The following FNDC8 variants were observed in gnomAD, a reference collection of about 807,000 sequenced individuals.
FNDC8 encodes the protein fibronectin type III domain-containing protein 8.
In FNDC8, 23 loss-of-function variants were observed where a neutral mutation model predicts 24.8. The observed-to-expected ratio is 0.93, with a 90% confidence interval of 0.67 to 1.31. FNDC8 has a LOEUF of 1.31. Among genes scored for constraint, FNDC8 ranks in the 40% most tolerant of loss-of-function variants. The probability of loss-of-function intolerance (pLI) is 0.00; values close to 1 mark genes in which losing one functional copy is unlikely to be tolerated. For missense variants in FNDC8, 371 were observed against 398.2 expected (o/e 0.93, Z 0.58); for synonymous variants, 158 against 165.3 (o/e 0.96, Z 0.34).
rs1158022966 is a variant in FNDC8 at position 35,129,485 on chromosome 17, G to T, written c.649G>T (p.Val217Leu). The T allele has an allele frequency of 3.7e-6, 6 of 1,614,206 alleles. No individual in the cohort carries two copies. The highest frequency in any genetic ancestry group is 5.1e-6 in the Non-Finnish European group (6 of 1,180,024). ...TTTCTACCAGCTCCTGTTACAGGAG[G>T]TGGCCAAGACACAGGAGAATGAGTT... ...VSFYQLLLQE[V>L]AKTQENELPE... The change falls in exon 3 of 4, where the codon GTG becomes TTG. Residue 217 changes from valine (V) to leucine (L), a missense_variant. Val to Leu is a conservative substitution (Grantham distance 32). Transcript: ENST00000158009.
At chr17:35,130,009 G>A (rs17629188) in intron 3 of FNDC8, 190,373 of 1,379,162 alleles carry the variant, frequency 0.14, 14,329 homozygotes, top group Middle Eastern at 0.17. Flanking sequence ...GCTAAAGGGG[G>A]ACGAAGAAGG....
intron 1 of FNDC8, among the ~76,000 whole-genome samples, chr17:35,122,247 G>T (rs2091832782): frequency 8.2e-6 from 1 of 122,124 alleles, no homozygotes; most frequent in Non-Finnish European, 1.7e-5. Flanking sequence ...TCACCGTGTT[G>T]CCCAGGCTGG....
At position 35,127,268 on chromosome 17, in the gene FNDC8, T is replaced by A. The variant is rs1360275528; in HGVS notation, c.436T>A (p.Ser146Thr). 1.2e-6 allele frequency: 2 copies of A among 1,613,832 alleles called. No homozygotes were observed. Among genetic ancestry groups the A allele is most frequent in the Admixed American group, 3.3e-5 (2 of 59,966 alleles). Residue 146 changes from serine (S) to threonine (T), a missense_variant, in exon 2 of 4, where the codon TCC (serine) becomes ACC (threonine). By Grantham distance (58) the Ser-to-Thr change is moderately conservative. Transcript: ENST00000158009. ...ALGPCPCPSK[S>T]QMATRGLLDL... ...CGGCCCCTGCCCATGCCCATCGAAG[T>A]CCCAGATGGCCACAAGGGGCCTGCT...
intron 2 of FNDC8, 116 bp downstream of exon 2, chr17:35,127,533 T>G: frequency 1.7e-5 from 21 of 1,256,462 alleles, no homozygotes; most frequent in Non-Finnish European, 2.1e-5. Flanking sequence ...AGTTCACGGT[T>G]TAGGAAGGGA....
At chr17:35,129,384 C>A in intron 2 of FNDC8, 38 bp from the exon 3 acceptor site, 1 of 1,602,836 alleles carries the variant, frequency 6.2e-7, no homozygotes, top group Non-Finnish European at 8.5e-7. Flanking sequence ...AAGGACAGGA[C>A]ATATCTGAGG....
At chr17:35,129,379 C>T (rs751887527) in intron 2 of FNDC8, 43 bp from the exon 3 acceptor site, 2 of 1,596,700 alleles carry the variant, frequency 1.3e-6, no homozygotes, top group Non-Finnish European at 1.7e-6. Flanking sequence ...ACAGGAAGGA[C>T]AGGACATATC....
intron 3 of FNDC8, 166 bp downstream of exon 3, chr17:35,129,824 G>T: frequency 7.0e-7 from 1 of 1,427,700 alleles, no homozygotes; most frequent in Non-Finnish European, 9.1e-7. Context: ...CTTCTGGGAG[G>T]TTTAAGGATT....
chr17:35,127,381 C>A lies in FNDC8; in HGVS notation c.549C>A (p.Phe183Leu). 1 of 1,574,878 alleles carries A rather than the reference C, an allele frequency of 6.3e-7. No individual in the cohort carries two copies. Reference protein sequence around the residue: ...SVVVDLPDTPFIFEHTVNNST... With the variant: ...SVVVDLPDTPLIFEHTVNNST... ...TTGTGGACCTGCCGGACACCCCCTT[C>A]ATCTTTGAGCACACCGTCAACAATT... Residue 183 changes from phenylalanine (F) to leucine (L), a missense_variant, in exon 2 of 4, where the codon TTC becomes TTA. Phe to Leu is a conservative substitution (Grantham distance 22). Transcript: ENST00000158009.
At chr17:35,122,984 G>C (rs1160568686) in intron 1 of FNDC8, among the ~76,000 whole-genome samples, 2 of 152,170 alleles carry the variant, frequency 1.3e-5, no homozygotes, top group Non-Finnish European at 2.9e-5. Context: ...TGCAGTTGAA[G>C]GAGGCTTCTT....
chr17:35,129,751 C>T, intron 3 of FNDC8, 93 bp downstream of exon 3: 2 of 1,503,666 alleles, frequency 1.3e-6, no homozygotes, highest in Admixed American at 2.3e-5. Flanking sequence ...CCTATGCCCA[C>T]ATGACTCATC....
intron 3 of FNDC8, 160 bp from the exon 4 acceptor site, chr17:35,130,122 C>G (rs2091867413): frequency 1.4e-6 from 2 of 1,440,922 alleles, no homozygotes; most frequent in Non-Finnish European, 1.8e-6. Flanking sequence ...AGGCTTGAGT[C>G]ATGCATCTTT....
Position 35,129,534 on chromosome 17 carries a change from G to A in FNDC8, c.698G>A (p.Trp233Ter), listed in dbSNP as rs1189885514. The A allele has an allele frequency of 3.7e-6, 6 of 1,614,094 alleles. No individual in the cohort carries two copies. In the African/African-American group the frequency reaches 5.3e-5, roughly 14 times the overall value. The part of the protein sequence containing the change: ...NELPEAKNRP[W>*]IFNKILGTTV... ...TTGCCCGAGGCAAAGAATCGTCCAT[G>A]GATCTTCAACAAGATTTTGGGCACT... Residue 233 changes from tryptophan to a stop codon, truncating the protein, a stop_gained, in exon 3 of 4, where the codon TGG becomes TAG. Coordinates refer to ENST00000158009, the MANE Select transcript of FNDC8 (RefSeq NM_017559.4). LOFTEE classifies it high-confidence loss of function.
chr17:35,125,173 G>A (rs1005655045), intron 1 of FNDC8, among the ~76,000 whole-genome samples: 12 of 151,910 alleles, frequency 7.9e-5, no homozygotes, highest in South Asian at 2.1e-4. Context: ...CATATAGGCC[G>A]GGCACAGTGG....
chr17:35,130,397 G>A lies in FNDC8; in HGVS notation c.938G>A (p.Arg313Gln), dbSNP rs773336985. 6.3e-5 allele frequency: 101 copies of A among 1,613,946 alleles called. No homozygotes were observed. Among genetic ancestry groups the A allele is most frequent in the Non-Finnish European group, 7.9e-5 (93 of 1,180,004 alleles). The change falls in exon 4 of 4, where the codon CGG becomes CAG. Residue 313 changes from arginine to glutamine, a missense_variant. Transcript: ENST00000158009. ...GTGTCCATCGGGCCGGAGGAGATGCGGAGGCTGGAGGATCTGGAATACCTA... is the reference window on the plus strand; with the variant it reads ...GTGTCCATCGGGCCGGAGGAGATGCAGAGGCTGGAGGATCTGGAATACCTA... The part of the protein sequence containing the change: ...KIVSIGPEEM[R>Q]RLEDLEYLFP...
chr17:35,127,405 T>C lies in FNDC8; in HGVS notation c.573T>C (p.Asn191=), dbSNP rs1312950464. The change falls in exon 2 of 4, where the codon AAT becomes AAC. Residue 191 remains asparagine (N), a synonymous_variant. Transcript: ENST00000158009. Reference sequence around the variant, plus strand: ...TCATCTTTGAGCACACCGTCAACAATTCCACAGCTGTGGTGCGTTTCCCTT... The same window carrying C: ...TCATCTTTGAGCACACCGTCAACAACTCCACAGCTGTGGTGCGTTTCCCTT... The part of the protein sequence containing the change: ...TPFIFEHTVN[N]STAVISWTYA... The C allele has an allele frequency of 7.1e-6, 11 of 1,552,430 alleles. No individual in the cohort carries two copies. The highest frequency in any genetic ancestry group is 2.5e-5 in the South Asian group (2 of 81,576).
At chr17:35,128,265 T>G (rs920525562) in intron 2 of FNDC8, among the ~76,000 whole-genome samples, 1 of 152,230 alleles carries the variant, frequency 6.6e-6, no homozygotes, top group African/African-American at 2.4e-5. Flanking sequence ...CTCAGCAAAT[T>G]GTTACAAATT....
Position 35,129,177 on chromosome 17 carries a change from C to A in FNDC8, c.586-245C>A, listed in dbSNP as rs998086773. 8.5e-6 allele frequency: 4 copies of A among 469,398 alleles called. No homozygotes were observed. In the East Asian group the frequency reaches 1.4e-4, roughly 17 times the overall value. 29.1% of individuals were successfully genotyped at this position (469,398 alleles called of 1,614,324 possible). ...TGGCCCAAGGGTTGAGGACCCCTGGCGTATAAGAAATATGGAATGAGGGTG... is the reference window on the plus strand; with the variant it reads ...TGGCCCAAGGGTTGAGGACCCCTGGAGTATAAGAAATATGGAATGAGGGTG... On this transcript the variant is annotated intron_variant, in intron 2 of 3. Coordinates refer to ENST00000158009, the MANE Select transcript of FNDC8 (RefSeq NM_017559.4).
intron 1 of FNDC8, 86 bp from the exon 2 acceptor site, chr17:35,126,956 T>C (rs1468117350): frequency 1.3e-6 from 2 of 1,490,158 alleles, no homozygotes; most frequent in Non-Finnish European, 1.8e-6. Flanking sequence ...GGGATGCTGG[T>C]AAGTCAGGCC....
At position 35,126,789 on chromosome 17, in the gene FNDC8, T is replaced by C. The variant is rs1170248801; in HGVS notation, c.210-253T>C. Among the ~76,000 whole-genome samples, 4 of 152,348 alleles carry C rather than the reference T, an allele frequency of 2.6e-5. No individual in the cohort carries two copies. In the East Asian group the frequency reaches 7.7e-4, roughly 29 times the overall value. On this transcript the variant is annotated intron_variant, in intron 1 of 3. Coordinates refer to ENST00000158009, the MANE Select transcript of FNDC8 (RefSeq NM_017559.4). ...TGCTGGGATTATAGGCGTGAGCCAC[T>C]GCGCCCAGCCAGGATCTTATTAAAG...
Sources: gnomAD v4.1 joint callset for allele counts (sites outside exome capture counted in the v4.1 genomes callset) on GRCh38, gnomAD v4.1.1 for gene constraint, MANE v1.5 for transcripts, NCBI Gene and HGNC (gene_info 2026-07-23, HGNC 2026-07-21) for gene names.